The following MAPKAP1 variants were observed in gnomAD, a reference collection of about 807,000 sequenced individuals.
The protein encoded by MAPKAP1 is MAPK associated protein 1, also known as target of rapamycin complex 2 subunit MAPKAP1.
A neutral mutation model predicts 65.7 loss-of-function variants in MAPKAP1; 20 were observed. The observed-to-expected ratio is 0.30, with a 90% CI of 0.21 to 0.44. MAPKAP1 has a LOEUF of 0.44. MAPKAP1 is among the 20% of genes least tolerant of loss of function. The pLI, the probability that MAPKAP1 is intolerant of heterozygous loss-of-function variation, is 1.00. For missense variants in MAPKAP1, 423 were observed against 648.0 expected, an observed-to-expected ratio of 0.65 and a Z score of 3.77; for synonymous variants, 222 against 244.3, an observed-to-expected ratio of 0.91 and a Z score of 0.85.
In MAPKAP1 at chr9:125,600,666, CTCTA is replaced by C. The variant is rs558144680; in HGVS notation, c.499-14943_499-14940del. The stretch of plus-strand genomic sequence containing the variant: ...AGAAGTAGGGACAACAGGGAAAGGT[CTCTA>C]TCTTAATTATTTTGAGAGAAGAACC... On this transcript the variant is annotated intron_variant, in intron 4 of 11. Transcript: ENST00000265960. 2.2e-3 allele frequency among the ~76,000 whole-genome samples: 335 copies of C among 152,322 alleles called. 1 individual carries two copies. Among genetic ancestry groups the C allele is most frequent in the Non-Finnish European group, 4.1e-3 (280 of 68,026 alleles).
intron 1 of MAPKAP1, among the ~76,000 whole-genome samples, chr9:125,681,276 C>A (rs879350601): frequency 6.6e-6 from 1 of 152,198 alleles, no homozygotes; most frequent in Non-Finnish European, 1.5e-5. Flanking sequence ...AAATTCTGAA[C>A]CTTGGCCTCA....
At chr9:125,583,949 G>C (rs1831701326) in intron 5 of MAPKAP1, among the ~76,000 whole-genome samples, 1 of 152,244 alleles carries the variant, frequency 6.6e-6, no homozygotes, top group South Asian at 2.1e-4. Context: ...TGTAGTCCCA[G>C]CTACTCGGGA....
At chr9:125,568,805 C>G (rs999213595) in intron 5 of MAPKAP1, 1 of 161,394 alleles carries the variant, frequency 6.2e-6, no homozygotes, top group Non-Finnish European at 1.4e-5. Flanking sequence ...TCACTGGGGC[C>G]GCTCAGGGAA....
intron 6 of MAPKAP1, among the ~76,000 whole-genome samples, chr9:125,551,368 G>C (rs1830579867): frequency 6.6e-6 from 1 of 152,042 alleles, no homozygotes; most frequent in Non-Finnish European, 1.5e-5. Flanking sequence ...TGAACCTAGG[G>C]CACGCCTCTT....
At chr9:125,576,781 G>A (rs1214926190) in intron 5 of MAPKAP1, among the ~76,000 whole-genome samples, 4 of 152,050 alleles carry the variant, frequency 2.6e-5, no homozygotes, top group Admixed American at 6.5e-5. Flanking sequence ...TCGGCCTCCC[G>A]AGGTGCTGGG....
chr9:125,535,745 C>A (rs1465293436), intron 7 of MAPKAP1, among the ~76,000 whole-genome samples: 1 of 152,170 alleles, frequency 6.6e-6, no homozygotes, highest in African/African-American at 2.4e-5. Context: ...TCAATATGTA[C>A]ACGTAATGTA....
chr9:125,468,132 A>G (rs748226824), intron 9 of MAPKAP1, 23 bp from the exon 10 acceptor site: 25 of 1,610,352 alleles, frequency 1.6e-5, no homozygotes, highest in Non-Finnish European at 5.1e-6. Flanking sequence ...GTGAGGACAC[A>G]AAAGAAAACA....
At chr9:125,565,702 G>T in intron 5 of MAPKAP1, 1 of 364,454 alleles carries the variant, frequency 2.7e-6, no homozygotes, top group Admixed American at 4.1e-5. Context: ...AAAAACCTCA[G>T]GAAGTTAGAT....
intron 5 of MAPKAP1, among the ~76,000 whole-genome samples, chr9:125,582,739 GTTTCTGTCA>G (rs993331106): frequency 6.6e-6 from 1 of 152,210 alleles, no homozygotes; most frequent in African/African-American, 2.4e-5. Context: ...CCAGCTTCTA[GTTTCTGTCA>G]TTTCCTCTGG....
chr9:125,563,736 G>A (rs144709105), intron 5 of MAPKAP1, among the ~76,000 whole-genome samples: 1,837 of 144,392 alleles, frequency 0.013, 31 homozygotes, highest in Middle Eastern at 0.051. Context: ...TTATTTTTGA[G>A]ATGGAGTCTT....
rs1831730717 is a variant in MAPKAP1, at chr9:125,584,788, TG to T, written c.671+766del. ...TTTGCTGTGTTCTAAACCCTACTGC[TG>T]GAAAGAACATGTAAAACTAGAAGAG... On this transcript the variant is annotated intron_variant, in intron 5 of 11. Coordinates refer to ENST00000265960, the MANE Select transcript of MAPKAP1 (RefSeq NM_001006617.3). 2.6e-5 allele frequency among the ~76,000 whole-genome samples: 4 copies of T among 152,102 alleles called. No homozygotes were observed. The South Asian group carries it at 8.3e-4, about 31-fold the overall frequency.
At chr9:125,558,701 A>G (rs1478256571) in intron 6 of MAPKAP1, among the ~76,000 whole-genome samples, 1 of 152,228 alleles carries the variant, frequency 6.6e-6, no homozygotes, top group Non-Finnish European at 1.5e-5. Context: ...GGTTGAAAAA[A>G]AGCTTAGGTT....
At chr9:125,513,790 G>A (rs1037503125) in intron 7 of MAPKAP1, among the ~76,000 whole-genome samples, 2 of 152,166 alleles carry the variant, frequency 1.3e-5, no homozygotes, top group Non-Finnish European at 2.9e-5. Flanking sequence ...CCGGGGCAGG[G>A]AATGCTGGCA....
chr9:125,698,304 T>TA lies in MAPKAP1; in HGVS notation c.-70+8666dup, dbSNP rs1279746281. Reference sequence around the variant, plus strand: ...ATATATATAAATATATATATATATATATATATATATATATATATATATATA... The same window carrying TA: ...ATATATATAAATATATATATATATATAATATATATATATATATATATATATA... On this transcript the variant is annotated intron_variant, in intron 1 of 11. Coordinates refer to ENST00000265960, the MANE Select transcript of MAPKAP1 (RefSeq NM_001006617.3). Among the ~76,000 whole-genome samples, 153 of 29,692 alleles carry TA rather than the reference T, an allele frequency of 5.2e-3. 2 individuals are homozygous for TA. The highest frequency in any genetic ancestry group is 0.018 in the African/African-American group (145 of 8,246). The allele number at this position is 29,692 out of a possible 152,430, so 19.5% of individuals were successfully genotyped here. A position where few individuals can be genotyped will look rare whatever the true frequency, so the allele number is the denominator to read the frequency against.
chr9:125,644,148 T>C (rs1179781070), intron 4 of MAPKAP1, among the ~76,000 whole-genome samples: 1 of 152,346 alleles, frequency 6.6e-6, no homozygotes. Context: ...GGGATGTCCT[T>C]AGAAGGATAG....
At position 125,672,465 on chromosome 9, in the gene MAPKAP1, T is replaced by C. The variant is rs1487169615; in HGVS notation, c.110A>G (p.Asp37Gly). 1 of 1,614,066 alleles carries C rather than the reference T, an allele frequency of 6.2e-7. No homozygotes were observed. Among genetic ancestry groups the C allele is most frequent in the Non-Finnish European group, 8.5e-7 (1 of 1,180,036 alleles). ...CEMVLIDHDV[D>G]LEKIHPPSMP... ...TGAAGGAGGATGAATCTTCTCTAGG[T>C]CAACATCATGATCAATGAGAACCAT... Residue 37 changes from aspartate (D) to glycine (G), a missense_variant, in exon 2 of 12, where the codon GAC becomes GGC. Transcript: ENST00000265960.
intron 10 of MAPKAP1, among the ~76,000 whole-genome samples, chr9:125,463,381 T>G (rs1853568905): frequency 6.6e-6 from 1 of 152,254 alleles, no homozygotes. Context: ...CTATTTAAGC[T>G]AAATCAATGT....
intron 10 of MAPKAP1, among the ~76,000 whole-genome samples, chr9:125,446,512 C>A (rs1265118247): frequency 6.6e-6 from 1 of 152,186 alleles, no homozygotes; most frequent in Non-Finnish European, 1.5e-5. Flanking sequence ...TACCCCACAA[C>A]ATCAGAATCT....
intron 8 of MAPKAP1, among the ~76,000 whole-genome samples, chr9:125,492,123 G>A (rs1246626251): frequency 6.6e-6 from 1 of 151,598 alleles, no homozygotes; most frequent in African/African-American, 2.4e-5. Flanking sequence ...AGGATCACTT[G>A]AGCCCAGGAG....
Sources: allele counts gnomAD v4.1 joint callset (sites outside exome capture counted in the v4.1 genomes callset), GRCh38; gene constraint gnomAD v4.1.1; transcripts MANE v1.5; gene names NCBI Gene and HGNC (gene_info 2026-07-23, HGNC 2026-07-21).